The following LRRC49 variants were observed in gnomAD, a reference collection of about 807,000 sequenced individuals.
LRRC49 encodes the protein leucine-rich repeat-containing protein 49.
LRRC49 carries 50 observed loss-of-function variants against 83.3 expected under a neutral mutation model. The observed-to-expected ratio is 0.60, with a 90% CI of 0.48 to 0.76. LRRC49 has a LOEUF of 0.76. Among genes scored for constraint, LRRC49 ranks in the 30% least tolerant of loss-of-function variants. LRRC49 has a pLI of 0.00. For synonymous variants in LRRC49, 286 were observed against 283.3 expected (o/e 1.01, Z -0.10); for missense variants, 704 against 809.1 (o/e 0.87, Z 1.58).
intron 7 of LRRC49, among the ~76,000 whole-genome samples, chr15:70,926,230 T>A (rs1356416975): frequency 6.6e-6 from 1 of 152,148 alleles, no homozygotes; most frequent in African/African-American, 2.4e-5. Flanking sequence ...CTGCGGATAT[T>A]CTTGCAGTTT....
chr15:70,948,221 G>A (rs2036081092), intron 8 of LRRC49, among the ~76,000 whole-genome samples: 1 of 151,884 alleles, frequency 6.6e-6, no homozygotes, highest in Non-Finnish European at 1.5e-5. Flanking sequence ...CCACAGCATG[G>A]TTCTCCTGTC....
chr15:70,989,958 C>A (rs1461996977), intron 11 of LRRC49, among the ~76,000 whole-genome samples: 1 of 152,168 alleles, frequency 6.6e-6, no homozygotes, highest in Non-Finnish European at 1.5e-5. Flanking sequence ...TTTTTGTGAA[C>A]CGCGAATGCT....
At chr15:70,944,350 T>C (rs2035931843) in intron 8 of LRRC49, among the ~76,000 whole-genome samples, 1 of 152,208 alleles carries the variant, frequency 6.6e-6, no homozygotes, top group Admixed American at 6.5e-5. Context: ...CTCCACATTT[T>C]TGATACCCTT....
chr15:70,922,902 A>G (rs1376319543), intron 7 of LRRC49, among the ~76,000 whole-genome samples: 1 of 152,030 alleles, frequency 6.6e-6, no homozygotes, highest in Non-Finnish European at 1.5e-5. Flanking sequence ...AATAATAGGA[A>G]CTAATATTAC....
rs776100757 is a variant in LRRC49, at chr15:70,980,087, A to G, written c.922-14A>G. ...TTAAACTCTTCATAATACTTTTCGG[A>G]AAATGTCTTTTAGGAAGAAGAAAGG... On this transcript the variant is annotated splice_polypyrimidine_tract_variant and intron_variant, in intron 9 of 15. Transcript: ENST00000260382. 1 of 1,580,412 alleles carries G rather than the reference A, an allele frequency of 6.3e-7. No individual in the cohort carries two copies. Among genetic ancestry groups the G allele is most frequent in the East Asian group, 2.2e-5 (1 of 44,572 alleles).
intron 5 of LRRC49, among the ~76,000 whole-genome samples, chr15:70,909,778 G>T (rs986965982): frequency 6.6e-6 from 1 of 151,278 alleles, no homozygotes; most frequent in African/African-American, 2.4e-5. Context: ...GGCGGAGGTT[G>T]CAGTGAGCTG....
intron 1 of LRRC49, chr15:70,854,143 C>G: frequency 2.5e-6 from 3 of 1,185,536 alleles, no homozygotes; most frequent in South Asian, 4.1e-5. Flanking sequence ...CCCAGCCAGC[C>G]GGTCGGCAGC....
At chr15:70,992,324 C>T (rs1351897519) in intron 11 of LRRC49, among the ~76,000 whole-genome samples, 5 of 152,210 alleles carry the variant, frequency 3.3e-5, no homozygotes, top group Non-Finnish European at 5.9e-5. Context: ...AGTCATTCTC[C>T]GTCCAGCTTT....
intron 2 of LRRC49, chr15:70,881,346 A>G (rs1465801833): frequency 6.6e-6 from 1 of 152,240 alleles, no homozygotes; most frequent in Non-Finnish European, 1.5e-5. Context: ...CACAACTCCT[A>G]TTAATATTTT....
chr15:70,989,714 T>A (rs1449143278), intron 11 of LRRC49, among the ~76,000 whole-genome samples: 1 of 152,206 alleles, frequency 6.6e-6, no homozygotes, highest in Non-Finnish European at 1.5e-5. Flanking sequence ...GCTCTGCTTT[T>A]TAGAGTTTCC....
intron 11 of LRRC49, among the ~76,000 whole-genome samples, chr15:70,991,131 G>A (rs1285435360): frequency 6.6e-6 from 1 of 152,246 alleles, no homozygotes. Flanking sequence ...TATACTATCT[G>A]TCTATTCCAG....
chr15:70,941,411 T>C (rs1421826382), intron 8 of LRRC49, among the ~76,000 whole-genome samples: 2 of 151,700 alleles, frequency 1.3e-5, no homozygotes, highest in Non-Finnish European at 2.9e-5. Flanking sequence ...TAAAATGTTA[T>C]AGAATGATAG....
chr15:70,950,392 T>C (rs1390312168), intron 8 of LRRC49, among the ~76,000 whole-genome samples: 4 of 152,222 alleles, frequency 2.6e-5, no homozygotes, highest in African/African-American at 9.6e-5. Flanking sequence ...CCACAATGGA[T>C]GAACTAATTT....
At chr15:71,022,724 A>G (rs754978610) in intron 14 of LRRC49, among the ~76,000 whole-genome samples, 14 of 152,234 alleles carry the variant, frequency 9.2e-5, no homozygotes, top group Non-Finnish European at 1.3e-4. Flanking sequence ...ACAAATCCAC[A>G]ATTACAATTA....
chr15:70,904,161 C>T (rs907973178), intron 4 of LRRC49, among the ~76,000 whole-genome samples: 1 of 151,952 alleles, frequency 6.6e-6, no homozygotes. Flanking sequence ...CCTGGGTAAT[C>T]GTTACATCGG....
chr15:70,877,594 T>C (rs1239381825), intron 2 of LRRC49, among the ~76,000 whole-genome samples: 2 of 152,236 alleles, frequency 1.3e-5, no homozygotes, highest in Non-Finnish European at 2.9e-5. Flanking sequence ...ACTCACCTGT[T>C]GATGGACATT....
intron 11 of LRRC49, among the ~76,000 whole-genome samples, chr15:70,987,994 TGA>T (rs1178754883): frequency 2.6e-5 from 4 of 152,214 alleles, no homozygotes; most frequent in African/African-American, 9.6e-5. Context: ...CACTGTGGTC[TGA>T]GAGATAGTTT....
intron 1 of LRRC49, among the ~76,000 whole-genome samples, chr15:70,862,356 A>G (rs1478539644): frequency 2.0e-5 from 3 of 152,138 alleles, no homozygotes; most frequent in African/African-American, 4.8e-5. Flanking sequence ...AGGCGGGCGT[A>G]TCACAAGGCC....
chr15:70,869,547 G>A (rs1157000958), intron 1 of LRRC49, among the ~76,000 whole-genome samples: 1 of 152,138 alleles, frequency 6.6e-6, no homozygotes, highest in African/African-American at 2.4e-5. Flanking sequence ...ATATATTTAA[G>A]TAGGGCTGGT....
Sources: allele counts gnomAD v4.1 joint callset (sites outside exome capture counted in the v4.1 genomes callset), GRCh38; gene constraint gnomAD v4.1.1; transcripts MANE v1.5; gene names NCBI Gene and HGNC (gene_info 2026-07-23, HGNC 2026-07-21).